Variants in SPAST observed in about 807,000 individuals in gnomAD.
The protein encoded by SPAST is spastin, also known as spastic paraplegia 4 (autosomal dominant; spastin).
Under a neutral mutation model 76.6 loss-of-function variants are expected in SPAST, and 30 were observed. That is an observed-to-expected ratio of 0.39 (90% CI 0.29 to 0.53). SPAST has a LOEUF of 0.53. Ranked by LOEUF, SPAST falls within the 20% of genes least tolerant of loss-of-function variation. SPAST has a pLI of 0.68. For synonymous variants in SPAST, 305 were observed against 281.0 expected (o/e 1.09, Z -0.86); for missense variants, 717 against 770.5 (o/e 0.93, Z 0.82).
At position 32,064,345 on chromosome 2, in the gene SPAST, A is replaced by G. The variant is rs1041184398; in HGVS notation, c.415+99A>G. 4.3e-6 allele frequency: 5 copies of G among 1,149,758 alleles called. No individual in the cohort carries two copies. In the African/African-American group the frequency reaches 6.2e-5, roughly 14 times the overall value. 71.2% of individuals were successfully genotyped at this position (1,149,758 alleles called of 1,614,324 possible). ...CTGCGTCCCTTTTCTGCGGGAGGGG[A>G]CGGTGCACCCCCGGAATTGATATGC... On this transcript the variant is annotated intron_variant, in intron 1 of 16. Transcript: ENST00000315285.
At chr2:32,123,880 A>G (rs1051296075) in intron 7 of SPAST, among the ~76,000 whole-genome samples, 4 of 152,166 alleles carry the variant, frequency 2.6e-5, no homozygotes, top group Admixed American at 2.6e-4. Context: ...TGGATCATAG[A>G]CCTAAATGTA....
chr2:32,087,475 A>C lies in SPAST; in HGVS notation c.416-17A>C, dbSNP rs372432599. 6.6e-7 allele frequency: 1 copy of C among 1,505,410 alleles called. No individual in the cohort carries two copies. The highest frequency in any genetic ancestry group is 9.2e-7 in the Non-Finnish European group (1 of 1,083,540). 93.3% of individuals were successfully genotyped at this position (1,505,410 alleles called of 1,614,324 possible). A position where few individuals can be genotyped will look rare whatever the true frequency, so the allele number is the denominator to read the frequency against. On this transcript the variant is annotated splice_polypyrimidine_tract_variant and intron_variant, in intron 1 of 16. Transcript: ENST00000315285. ...TACTCTTCATACGATCTATACAAAT[A>C]ATTTTTTATTTTAAAGCAGGACAGA...
chr2:32,114,007 G>C (rs751859467), intron 4 of SPAST, among the ~76,000 whole-genome samples: 1 of 151,086 alleles, frequency 6.6e-6, no homozygotes, highest in East Asian at 1.9e-4. Flanking sequence ...GCAGTGGCAC[G>C]ATCTCGGCTC....
chr2:32,114,117 G>A (rs144473929), intron 4 of SPAST, among the ~76,000 whole-genome samples: 33 of 152,056 alleles, frequency 2.2e-4, no homozygotes, highest in African/African-American at 7.2e-4. Context: ...AAGAAAATTA[G>A]AATAGGGACA....
chr2:32,088,457 C>T (rs1003683122), intron 2 of SPAST, among the ~76,000 whole-genome samples: 4 of 152,160 alleles, frequency 2.6e-5, no homozygotes, highest in African/African-American at 9.7e-5. Context: ...CCAGCCTGAT[C>T]AACATGGAGA....
At chr2:32,113,560 CTTTTTTTTT>C (rs10534612) in intron 4 of SPAST, among the ~76,000 whole-genome samples, 1 of 90,908 alleles carries the variant, frequency 1.1e-5, no homozygotes. Context: ...TGCTTCATAA[CTTTTTTTTT>C]TTTTTTTTTT....
intron 3 of SPAST, among the ~76,000 whole-genome samples, chr2:32,090,544 A>AC (rs1331404296): frequency 4.0e-5 from 6 of 151,832 alleles, no homozygotes; most frequent in African/African-American, 1.2e-4. Flanking sequence ...AAAAAAACTG[A>AC]CCCCCCCAAA....
At chr2:32,142,311 G>A (rs954217833) in intron 13 of SPAST, among the ~76,000 whole-genome samples, 3 of 152,134 alleles carry the variant, frequency 2.0e-5, no homozygotes, top group Admixed American at 6.5e-5. Flanking sequence ...CATATATTAA[G>A]TTTTATGAAT....
At chr2:32,129,004 C>G (rs1275242645) in intron 9 of SPAST, 1 of 166,780 alleles carries the variant, frequency 6.0e-6, no homozygotes, top group Non-Finnish European at 1.3e-5. Context: ...TTAAGTTTGT[C>G]ATCAGCAACA....
intron 4 of SPAST, among the ~76,000 whole-genome samples, chr2:32,103,665 T>C (rs542587701): frequency 2.0e-5 from 3 of 152,248 alleles, no homozygotes; most frequent in African/African-American, 7.2e-5. Context: ...TGATATGTTG[T>C]GTCTTTGTTC....
chr2:32,091,389 T>A (rs1456616504), intron 3 of SPAST, among the ~76,000 whole-genome samples: 1 of 150,714 alleles, frequency 6.6e-6, no homozygotes, highest in Non-Finnish European at 1.5e-5. Context: ...CAAACTATTC[T>A]CGTGATTCAG....
rs1395313104 is a variant in SPAST, at chr2:32,064,210, A to G, written c.379A>G (p.Ile127Val). 1.9e-6 allele frequency: 3 copies of G among 1,546,306 alleles called. No individual in the cohort carries two copies. The highest frequency in any genetic ancestry group is 2.0e-5 in the Admixed American group (1 of 50,640). ...CTTCCACAAACAGGCCTTCGAGTACATCTCCATTGCCCTGCGCATCGATGA... is the reference window on the plus strand; with the variant it reads ...CTTCCACAAACAGGCCTTCGAGTACGTCTCCATTGCCCTGCGCATCGATGA... Reference protein sequence around the residue: ...RVFHKQAFEYISIALRIDEDE... With the variant: ...RVFHKQAFEYVSIALRIDEDE... The change falls in exon 1 of 17, where the codon ATC (isoleucine) becomes GTC (valine). Residue 127 changes from isoleucine to valine, a missense_variant. Ile to Val is a conservative substitution (Grantham distance 29). Transcript: ENST00000315285.
intron 16 of SPAST, among the ~76,000 whole-genome samples, chr2:32,152,676 A>G (rs1357203623): frequency 6.6e-6 from 1 of 152,060 alleles, no homozygotes; most frequent in Admixed American, 6.6e-5. Flanking sequence ...TGTGTGTGTT[A>G]CAGTTAAATA....
chr2:32,075,553 T>C (rs1458421524), intron 1 of SPAST, among the ~76,000 whole-genome samples: 12 of 134,024 alleles, frequency 9.0e-5, no homozygotes, highest in South Asian at 2.5e-4. Context: ...TTTTCTTTTT[T>C]TTTTTTTTTT....
Position 32,098,823 on chromosome 2 carries a change from C to A in SPAST, c.614C>A (p.Ser205Tyr). 1.2e-6 allele frequency: 2 copies of A among 1,613,574 alleles called. No homozygotes were observed. The highest frequency in any genetic ancestry group is 2.2e-5 in the South Asian group (2 of 91,044). ...LEKMQPVLPFSKSQTDVYNDS... is the reference protein window; with the variant it reads ...LEKMQPVLPFYKSQTDVYNDS... The stretch of plus-strand genomic sequence containing the variant: ...AAGATGCAACCAGTTTTGCCATTTT[C>A]CAAGTCACAAACGGACGTCTATAAT... The change falls in exon 4 of 17, where the codon TCC becomes TAC. Residue 205 changes from serine to tyrosine, a missense_variant. Physicochemically the swap from Ser to Tyr is moderately radical, Grantham distance 144. Around this residue, in one of 3 missense-constraint regions of SPAST, gnomAD observed 543 missense variants for 445.2 expected, o/e 1.22. Coordinates refer to ENST00000315285, the MANE Select transcript of SPAST (RefSeq NM_014946.4).
intron 7 of SPAST, among the ~76,000 whole-genome samples, chr2:32,123,654 G>A (rs541839040): frequency 1.9e-4 from 29 of 152,218 alleles, no homozygotes; most frequent in Non-Finnish European, 3.2e-4. Flanking sequence ...AAGACAGCAT[G>A]TCATTGGCAA....
chr2:32,138,430 TG>T (rs1438888918), intron 12 of SPAST, among the ~76,000 whole-genome samples: 2 of 152,198 alleles, frequency 1.3e-5, no homozygotes, highest in Non-Finnish European at 2.9e-5. Flanking sequence ...ATTTTTCTGA[TG>T]GTTAGTGATG....
At chr2:32,085,639 A>G (rs1487099611) in intron 1 of SPAST, among the ~76,000 whole-genome samples, 1 of 152,188 alleles carries the variant, frequency 6.6e-6, no homozygotes, top group Non-Finnish European at 1.5e-5. Flanking sequence ...AAGGGGATGA[A>G]TATGGTTAGT....
chr2:32,112,536 C>T (rs1429209494), intron 4 of SPAST, among the ~76,000 whole-genome samples: 2 of 151,962 alleles, frequency 1.3e-5, no homozygotes, highest in East Asian at 1.9e-4. Context: ...TTAGTAGAGA[C>T]GGGGTTTCAC....
Sources: allele counts gnomAD v4.1 joint callset (sites outside exome capture counted in the v4.1 genomes callset), GRCh38; gene constraint gnomAD v4.1.1; regional missense constraint gnomAD v4.1.1; transcripts MANE v1.5; gene names NCBI Gene and HGNC (gene_info 2026-07-23, HGNC 2026-07-21).